RABGAP1L: variants seen among roughly 807,000 people sequenced by gnomAD.
The protein encoded by RABGAP1L is rab GTPase-activating protein 1-like.
Under a neutral mutation model 137.7 loss-of-function variants are expected in RABGAP1L, and 63 were observed. The ratio of observed to expected loss-of-function variants is 0.46; its 90% confidence interval spans 0.37 to 0.56. The LOEUF (loss-of-function observed/expected upper bound fraction) is 0.56. Among genes scored for constraint, RABGAP1L ranks in the 20% least tolerant of loss-of-function variants. RABGAP1L has a pLI of 0.00. For synonymous variants in RABGAP1L, 431 were observed against 433.7 expected (o/e 0.99, Z 0.08); for missense variants, 1,095 against 1,244.0 (o/e 0.88, Z 1.80).
chr1:174,431,055 A>G (rs1270508205), intron 13 of RABGAP1L, among the ~76,000 whole-genome samples: 1 of 152,158 alleles, frequency 6.6e-6, no homozygotes, highest in Non-Finnish European at 1.5e-5. Context: ...ATTTTCTTTT[A>G]TAAGAGAAAA....
At chr1:174,571,383 A>G (rs1418453406) in intron 13 of RABGAP1L, among the ~76,000 whole-genome samples, 13 of 152,268 alleles carry the variant, frequency 8.5e-5, no homozygotes. Flanking sequence ...TATAGTCAAT[A>G]ATAATTTAAT....
intron 19 of RABGAP1L, among the ~76,000 whole-genome samples, chr1:174,952,065 T>A (rs1667786744): frequency 6.6e-6 from 1 of 152,132 alleles, no homozygotes; most frequent in East Asian, 1.9e-4. Context: ...CTACAGTGAG[T>A]TTCAAATTTG....
In RABGAP1L at chr1:174,540,405, C is replaced by T. The variant is rs565833058; in HGVS notation, c.1711-96970C>T. On this transcript the variant is annotated intron_variant, in intron 13 of 25. Transcript: ENST00000681986. ...CTAAATGGTATTGCTTAGGTTTTCC[C>T]CTAGGGTTTTTATGGTTTTAGGTCT... Among the ~76,000 whole-genome samples the T allele has an allele frequency of 6.3e-4, 96 of 152,096 alleles. 1 individual carries two copies. The East Asian group carries it at 8.3e-3, about 13-fold the overall frequency.
At chr1:174,322,348 C>T (rs1571212619) in intron 11 of RABGAP1L, among the ~76,000 whole-genome samples, 1 of 152,058 alleles carries the variant, frequency 6.6e-6, no homozygotes, top group Non-Finnish European at 1.5e-5. Context: ...AGTGGCTTGT[C>T]TGGGCAGTTC....
chr1:174,510,903 C>T (rs1370949703), intron 13 of RABGAP1L, among the ~76,000 whole-genome samples: 1 of 152,080 alleles, frequency 6.6e-6, no homozygotes, highest in Non-Finnish European at 1.5e-5. Context: ...GTTTTTCAGG[C>T]CACAATAAAA....
At chr1:174,285,397 C>T (rs1184158515) in intron 10 of RABGAP1L, among the ~76,000 whole-genome samples, 1 of 152,002 alleles carries the variant, frequency 6.6e-6, no homozygotes. Flanking sequence ...GTTTGGTATG[C>T]TACTGTAAAT....
chr1:174,236,648 T>C (rs1671195783), intron 4 of RABGAP1L, among the ~76,000 whole-genome samples: 1 of 146,874 alleles, frequency 6.8e-6, no homozygotes, highest in African/African-American at 2.5e-5. Flanking sequence ...TTGTTATAAT[T>C]TCTGTTCTTT....
chr1:174,227,852 G>GGT (rs1670315256), intron 3 of RABGAP1L, among the ~76,000 whole-genome samples: 1 of 132,834 alleles, frequency 7.5e-6, no homozygotes, highest in African/African-American at 2.7e-5. Context: ...AAATACTGTG[G>GGT]TTTTTTTTTT....
chr1:174,715,956 A>C (rs974682847), intron 17 of RABGAP1L, among the ~76,000 whole-genome samples: 8 of 152,148 alleles, frequency 5.3e-5, no homozygotes, highest in Admixed American at 4.6e-4. Context: ...CTCATCCCCC[A>C]CAGATACCAA....
chr1:174,164,189 A>T (rs61827904), intron 1 of RABGAP1L, among the ~76,000 whole-genome samples: 1 of 151,666 alleles, frequency 6.6e-6, no homozygotes, highest in African/African-American at 2.4e-5. Flanking sequence ...AACAAATGCT[A>T]AAAACCTTGG....
intron 11 of RABGAP1L, among the ~76,000 whole-genome samples, chr1:174,307,139 G>A (rs988207069): frequency 3.9e-5 from 6 of 152,110 alleles, no homozygotes; most frequent in Non-Finnish European, 7.4e-5. Flanking sequence ...GACACAGAGA[G>A]CATCATCACT....
chr1:174,875,397 A>G (rs72717643), intron 19 of RABGAP1L: 10,439 of 279,680 alleles, frequency 0.037, 258 homozygotes, highest in Non-Finnish European at 0.045. Context: ...GCACTCTCCC[A>G]GGGTGCATAG....
chr1:174,236,581 G>C (rs959628918), intron 4 of RABGAP1L, among the ~76,000 whole-genome samples: 1 of 151,778 alleles, frequency 6.6e-6, no homozygotes, highest in African/African-American at 2.4e-5. Flanking sequence ...GAGTGATTTT[G>C]AGTGAGTTTC....
intron 19 of RABGAP1L, among the ~76,000 whole-genome samples, chr1:174,883,792 T>C (rs1049234603): frequency 6.6e-6 from 1 of 151,606 alleles, no homozygotes; most frequent in Non-Finnish European, 1.5e-5. Context: ...ACAGTGGGAG[T>C]GTAAATAGAG....
intron 13 of RABGAP1L, among the ~76,000 whole-genome samples, chr1:174,621,839 C>G (rs1672507215): frequency 6.6e-6 from 1 of 152,160 alleles, no homozygotes. Flanking sequence ...CAACAAAAGC[C>G]AGAATTGACA....
At chr1:174,632,687 G>A (rs1209012043) in intron 13 of RABGAP1L, among the ~76,000 whole-genome samples, 4 of 148,288 alleles carry the variant, frequency 2.7e-5, no homozygotes, top group African/African-American at 1.0e-4. Context: ...GATCGCATCG[G>A]CTCCTGAGGC....
At chr1:174,522,251 C>A (rs1302145592) in intron 13 of RABGAP1L, among the ~76,000 whole-genome samples, 2 of 152,206 alleles carry the variant, frequency 1.3e-5, no homozygotes, top group Admixed American at 1.3e-4. Context: ...AGGCAGAGGG[C>A]AGGTGTATAA....
At chr1:174,468,751 C>A (rs923087644) in intron 13 of RABGAP1L, among the ~76,000 whole-genome samples, 5 of 152,094 alleles carry the variant, frequency 3.3e-5, no homozygotes, top group Non-Finnish European at 7.4e-5. Context: ...ATTCCAGTTT[C>A]TTCTGCTTAG....
chr1:174,431,766 A>G (rs1205826984), intron 13 of RABGAP1L, among the ~76,000 whole-genome samples: 1 of 152,212 alleles, frequency 6.6e-6, no homozygotes, highest in East Asian at 1.9e-4. Flanking sequence ...TGATTGTATC[A>G]GAAGACAGTA....
Sources: allele counts gnomAD v4.1 joint callset (sites outside exome capture counted in the v4.1 genomes callset), GRCh38; gene constraint gnomAD v4.1.1; transcripts MANE v1.5; gene names NCBI Gene and HGNC (gene_info 2026-07-23, HGNC 2026-07-21).